The following WNK1 variants were observed in gnomAD, a reference collection of about 807,000 sequenced individuals.
The protein encoded by WNK1 is serine/threonine-protein kinase WNK1.
In WNK1, 38 loss-of-function variants were observed where a neutral mutation model predicts 222.8. The observed-to-expected ratio is 0.17, with a 90% CI of 0.13 to 0.22. WNK1 has a LOEUF of 0.22. Ranked by LOEUF, WNK1 falls within the 10% of genes least tolerant of loss-of-function variation. WNK1 has a pLI of 1.00. For synonymous variants in WNK1, 1,090 were observed against 1,092.9 expected (o/e 1.00, Z 0.05); for missense variants, 2,348 against 2,918.4 (o/e 0.80, Z 4.50).
chr12:833,334 A>G (rs963223642), intron 4 of WNK1, among the ~76,000 whole-genome samples: 1 of 152,188 alleles, frequency 6.6e-6, no homozygotes, highest in Non-Finnish European at 1.5e-5. Context: ...CTTTCTTGGT[A>G]TAAGGAACTT....
rs1018810101 is a variant in WNK1 at position 762,488 on chromosome 12, A to G, written c.759+8164A>G. On this transcript the variant is annotated intron_variant, in intron 1 of 27. Transcript: ENST00000315939. ...TGTTTTGTTATTGTTTTTTCCCCCA[A>G]TATTTTCATCTGCAGTTAGTTGAAT... 6.8e-5 allele frequency among the ~76,000 whole-genome samples: 10 copies of G among 147,332 alleles called. 1 individual carries two copies. Among genetic ancestry groups the G allele is most frequent in the Admixed American group, 2.7e-4 (4 of 14,796 alleles).
intron 8 of WNK1, chr12:869,071 A>G: frequency 6.2e-7 from 1 of 1,613,954 alleles, no homozygotes; most frequent in South Asian, 1.1e-5. Flanking sequence ...TAACTGCCTC[A>G]TTTTCTTCAG....
chr12:833,025 T>C (rs896383543), intron 4 of WNK1, among the ~76,000 whole-genome samples: 6 of 152,164 alleles, frequency 3.9e-5, no homozygotes, highest in Middle Eastern at 6.8e-3. Flanking sequence ...TTTTTTTTTT[T>C]CCTTTGAGCA....
intron 1 of WNK1, among the ~76,000 whole-genome samples, chr12:757,694 C>A (rs932845063): frequency 2.5e-5 from 3 of 120,490 alleles, no homozygotes; most frequent in Admixed American, 7.8e-5. Flanking sequence ...CATTGCTTTT[C>A]TAGAAAGGGA....
intron 9 of WNK1, among the ~76,000 whole-genome samples, chr12:872,915 T>A (rs1285444449): frequency 6.6e-6 from 1 of 152,258 alleles, no homozygotes; most frequent in Non-Finnish European, 1.5e-5. Context: ...AGTTTGTTTA[T>A]ACATGCATTC....
intron 1 of WNK1, among the ~76,000 whole-genome samples, chr12:795,755 G>A (rs1390750759): frequency 1.3e-5 from 2 of 152,090 alleles, no homozygotes; most frequent in East Asian, 1.9e-4. Flanking sequence ...ACAGTTTCTT[G>A]AAGTTTGCCC....
At position 753,302 on chromosome 12, in the gene WNK1, C is replaced by T. The variant is rs900752813; in HGVS notation, c.-264C>T. On this transcript the variant is annotated 5_prime_UTR_variant, in exon 1 of 28. Coordinates refer to ENST00000315939, the MANE Select transcript of WNK1 (RefSeq NM_018979.4). The surrounding 1 kb of genome is among the most constrained non-coding windows in gnomAD (Gnocchi z 5.2). ...TGGATGCGGACCGTGCGGCGCTAAC[C>T]CCCGTGGCTCAGCTCCCGAATCGCC... 1.1e-5 allele frequency: 6 copies of T among 540,230 alleles called. No homozygotes were observed. The Admixed American group carries it at 2.0e-4, about 18-fold the overall frequency. 33.5% of individuals were successfully genotyped at this position (540,230 alleles called of 1,614,324 possible).
intron 1 of WNK1, among the ~76,000 whole-genome samples, chr12:773,933 A>C (rs1356299268): frequency 2.0e-5 from 3 of 152,204 alleles, no homozygotes; most frequent in South Asian, 2.1e-4. Context: ...GTCTTACTCC[A>C]CAAGGTTGTA....
intron 2 of WNK1, among the ~76,000 whole-genome samples, chr12:824,147 T>A (rs953216640): frequency 2.0e-5 from 3 of 151,532 alleles, no homozygotes; most frequent in Admixed American, 6.6e-5. Flanking sequence ...CCTCAGGTGA[T>A]CCATCCACCT....
chr12:901,170 G>A, intron 26 of WNK1: 1 of 238,442 alleles, frequency 4.2e-6, no homozygotes, highest in East Asian at 1.0e-4. Context: ...ACAGAGGAAA[G>A]AGCTTTTAGT....
chr12:826,707 A>G (rs1272744873), intron 2 of WNK1, among the ~76,000 whole-genome samples: 1 of 152,244 alleles, frequency 6.6e-6, no homozygotes, highest in East Asian at 1.9e-4. Flanking sequence ...TTCTCTTACC[A>G]ATCACTAATT....
chr12:798,260 C>T (rs1342334533), intron 1 of WNK1, among the ~76,000 whole-genome samples: 19 of 151,464 alleles, frequency 1.3e-4, no homozygotes, highest in Non-Finnish European at 1.0e-4. Context: ...GGCCCGATCT[C>T]GGCTCACTGC....
intron 1 of WNK1, among the ~76,000 whole-genome samples, chr12:813,025 G>A (rs1388934543): frequency 6.6e-6 from 1 of 152,124 alleles, no homozygotes; most frequent in Non-Finnish European, 1.5e-5. Flanking sequence ...AGGATCACCA[G>A]AAGTTCAAGA....
intron 8 of WNK1, among the ~76,000 whole-genome samples, chr12:865,884 C>CTTTGGTT: frequency 6.6e-6 from 1 of 151,706 alleles, no homozygotes; most frequent in African/African-American, 2.4e-5. Flanking sequence ...GATGATGTAT[C>CTTTGGTT]AGCAAACCAA....
chr12:845,264 T>G (rs1258522672), intron 4 of WNK1, among the ~76,000 whole-genome samples: 1 of 152,190 alleles, frequency 6.6e-6, no homozygotes, highest in African/African-American at 2.4e-5. Context: ...TTAAAATATG[T>G]TAGTGTCTGT....
intron 1 of WNK1, among the ~76,000 whole-genome samples, chr12:769,231 C>T (rs1346442299): frequency 6.6e-6 from 1 of 151,584 alleles, no homozygotes; most frequent in Non-Finnish European, 1.5e-5. Context: ...CAGATTCTCA[C>T]TCTGTTACCC....
chr12:768,895 C>T (rs61916730), intron 1 of WNK1, among the ~76,000 whole-genome samples: 13 of 151,970 alleles, frequency 8.6e-5, no homozygotes, highest in Non-Finnish European at 1.0e-4. Context: ...CTGCAACCTC[C>T]GCTTCCCAGG....
At chr12:855,274 T>C (rs553261460) in intron 4 of WNK1, among the ~76,000 whole-genome samples, 2 of 152,236 alleles carry the variant, frequency 1.3e-5, no homozygotes, top group Admixed American at 6.5e-5. Flanking sequence ...GTGATCTTTG[T>C]AGTCATTCTC....
chr12:775,245 C>G (rs370345371), intron 1 of WNK1, among the ~76,000 whole-genome samples: 1 of 152,048 alleles, frequency 6.6e-6, no homozygotes, highest in East Asian at 1.9e-4. Flanking sequence ...TGGTTATTCC[C>G]TTATTTCTGT....
Sources: allele counts gnomAD v4.1 joint callset (sites outside exome capture counted in the v4.1 genomes callset), GRCh38; gene constraint gnomAD v4.1.1; non-coding constraint Gnocchi (gnomAD v3.1); transcripts MANE v1.5; gene names NCBI Gene and HGNC (gene_info 2026-07-23, HGNC 2026-07-21).